SH3RF1: variants seen among roughly 807,000 people sequenced by gnomAD.
The protein encoded by SH3RF1 is SH3 domain containing ring finger 1.
A neutral mutation model predicts 74.0 loss-of-function variants in SH3RF1; 32 were observed. The observed-to-expected ratio is 0.43, with a 90% CI of 0.33 to 0.58. SH3RF1 has a LOEUF of 0.58. SH3RF1 is among the 20% of genes least tolerant of loss of function. The pLI is 0.05. For synonymous variants in SH3RF1, 396 were observed against 439.6 expected (o/e 0.90, Z 1.24); for missense variants, 954 against 1,130.9 (o/e 0.84, Z 2.24).
chr4:169,150,725 T>A (rs1274155770), intron 4 of SH3RF1, among the ~76,000 whole-genome samples: 1 of 152,138 alleles, frequency 6.6e-6, no homozygotes, highest in Admixed American at 6.5e-5. Flanking sequence ...CCATTTTATG[T>A]GAGGGACTTG....
intron 10 of SH3RF1, among the ~76,000 whole-genome samples, chr4:169,116,040 G>T (rs1406288621): frequency 6.6e-6 from 1 of 152,122 alleles, no homozygotes; most frequent in Non-Finnish European, 1.5e-5. Context: ...GGCAAGTAGT[G>T]GGCGTTTAAA....
chr4:169,182,770 A>G (rs1010004060), intron 2 of SH3RF1, among the ~76,000 whole-genome samples: 5 of 152,198 alleles, frequency 3.3e-5, no homozygotes, highest in Admixed American at 2.6e-4. Flanking sequence ...GACTATCCAG[A>G]TATGAGAATA....
intron 6 of SH3RF1, among the ~76,000 whole-genome samples, chr4:169,125,297 T>A (rs1733507217): frequency 6.6e-6 from 1 of 152,192 alleles, no homozygotes; most frequent in South Asian, 2.1e-4. Flanking sequence ...AGAAGTGTCT[T>A]CTCTCTGAGT....
At chr4:169,222,511 T>TTATA (rs140658147) in intron 2 of SH3RF1, among the ~76,000 whole-genome samples, 10 of 148,084 alleles carry the variant, frequency 6.8e-5, no homozygotes, top group African/African-American at 1.7e-4. Context: ...TTATACATAT[T>TTATA]TATATATATA....
chr4:169,129,693 C>T (rs915812940), intron 6 of SH3RF1, among the ~76,000 whole-genome samples: 16 of 152,148 alleles, frequency 1.1e-4, no homozygotes, highest in African/African-American at 3.9e-4. Flanking sequence ...GACCTGCTTC[C>T]TTAGTATTTT....
At chr4:169,206,089 C>T (rs1358865992) in intron 2 of SH3RF1, among the ~76,000 whole-genome samples, 4 of 152,204 alleles carry the variant, frequency 2.6e-5, no homozygotes, top group Non-Finnish European at 5.9e-5. Context: ...AGAAAAGTCT[C>T]TTTCAAGATC....
intron 2 of SH3RF1, among the ~76,000 whole-genome samples, chr4:169,166,048 A>C (rs186999572): frequency 6.6e-6 from 1 of 152,228 alleles, no homozygotes; most frequent in East Asian, 1.9e-4. Flanking sequence ...ATGTGTAGGG[A>C]GGGGAAAAAA....
At chr4:169,159,744 G>C (rs1734121987) in intron 2 of SH3RF1, among the ~76,000 whole-genome samples, 2 of 152,172 alleles carry the variant, frequency 1.3e-5, no homozygotes, top group Admixed American at 1.3e-4. Flanking sequence ...ACCTGACAAT[G>C]CATTTGTCTC....
At chr4:169,156,308 A>ATT in intron 3 of SH3RF1, 96 bp downstream of exon 3, 2 of 1,346,634 alleles carry the variant, frequency 1.5e-6, no homozygotes, top group Non-Finnish European at 9.9e-7. Context: ...CAAAACTTGT[A>ATT]TTTTTTTTTG....
chr4:169,119,949 TGA>T (rs1240412879), intron 8 of SH3RF1, among the ~76,000 whole-genome samples: 1 of 152,214 alleles, frequency 6.6e-6, no homozygotes, highest in Non-Finnish European at 1.5e-5. Flanking sequence ...GACCAAAAGC[TGA>T]ACTATCTTTA....
chr4:169,226,659 T>C (rs1353581726), intron 2 of SH3RF1, among the ~76,000 whole-genome samples: 1 of 152,180 alleles, frequency 6.6e-6, no homozygotes, highest in African/African-American at 2.4e-5. Flanking sequence ...TTTTTAAAAA[T>C]TGGCCACAGT....
At chr4:169,267,226 G>A (rs1233962064) in intron 2 of SH3RF1, among the ~76,000 whole-genome samples, 1 of 152,176 alleles carries the variant, frequency 6.6e-6, no homozygotes, top group Admixed American at 6.5e-5. Flanking sequence ...CTCTTTATCA[G>A]TGAACAAACA....
chr4:169,144,638 G>A lies in SH3RF1; in HGVS notation c.766-8018C>T, dbSNP rs1272060616. ...TGTCTGCATAGCTTGGGCAGTTGAG[G>A]TCAATGAATGAAGAAGGCCAGATAG... is the stretch of plus-strand genomic sequence containing the variant. On this transcript the variant is annotated intron_variant, in intron 4 of 11. Transcript: ENST00000284637. Among the ~76,000 whole-genome samples, 3 of 152,144 alleles carry A rather than the reference G, an allele frequency of 2.0e-5. No individual in the cohort carries two copies. The East Asian group carries it at 5.8e-4, about 29-fold the overall frequency.
At chr4:169,112,387 G>A (rs1471581171) in intron 10 of SH3RF1, among the ~76,000 whole-genome samples, 1 of 152,184 alleles carries the variant, frequency 6.6e-6, no homozygotes, top group Non-Finnish European at 1.5e-5. Context: ...CAGAAATATT[G>A]AGAACTTGGA....
intron 8 of SH3RF1, among the ~76,000 whole-genome samples, chr4:169,119,089 A>G (rs972271498): frequency 6.6e-6 from 1 of 151,926 alleles, no homozygotes; most frequent in Non-Finnish European, 1.5e-5. Context: ...ATTCCTCTAG[A>G]GTTAAACAAA....
At chr4:169,215,977 T>C (rs1730456134) in intron 2 of SH3RF1, among the ~76,000 whole-genome samples, 2 of 152,118 alleles carry the variant, frequency 1.3e-5, no homozygotes, top group African/African-American at 4.8e-5. Flanking sequence ...TTAATTTTTG[T>C]ATTTTTTGTA....
At chr4:169,112,795 T>C (rs1237020533) in intron 10 of SH3RF1, among the ~76,000 whole-genome samples, 1 of 152,154 alleles carries the variant, frequency 6.6e-6, no homozygotes, top group East Asian at 1.9e-4. Context: ...TTGTAAGAGC[T>C]CTTTTAAAGT....
chr4:169,146,925 C>T (rs957218875), intron 4 of SH3RF1, among the ~76,000 whole-genome samples: 3 of 152,116 alleles, frequency 2.0e-5, no homozygotes, highest in Non-Finnish European at 4.4e-5. Flanking sequence ...GCAGAGAAGA[C>T]AGCAACCGCA....
intron 6 of SH3RF1, among the ~76,000 whole-genome samples, chr4:169,129,356 A>G (rs948036740): frequency 6.6e-6 from 1 of 152,142 alleles, no homozygotes; most frequent in East Asian, 1.9e-4. Context: ...CGAAGGTTGC[A>G]TTTGCTTGTT....
Sources: allele counts gnomAD v4.1 joint callset (sites outside exome capture counted in the v4.1 genomes callset), GRCh38; gene constraint gnomAD v4.1.1; transcripts MANE v1.5; gene names NCBI Gene and HGNC (gene_info 2026-07-23, HGNC 2026-07-21).